CAMK2D: variants seen among roughly 807,000 people sequenced by gnomAD.
CAMK2D encodes calcium/calmodulin dependent protein kinase II delta.
A neutral mutation model predicts 84.0 loss-of-function variants in CAMK2D; 37 were observed. That is an observed-to-expected ratio of 0.44 (90% CI 0.34 to 0.58). The LOEUF (loss-of-function observed/expected upper bound fraction) is 0.58, where lower values mean the gene tolerates loss of function less well. CAMK2D is among the 20% of genes least tolerant of loss of function. The probability of loss-of-function intolerance (pLI) is 0.02; values close to 1 mark genes in which losing one functional copy is unlikely to be tolerated. For missense variants in CAMK2D, 448 were observed against 652.5 expected (o/e 0.69, Z 3.41); for synonymous variants, 202 against 212.5 (o/e 0.95, Z 0.43).
At chr4:113,474,502 T>C (rs1389993013) in intron 16 of CAMK2D, among the ~76,000 whole-genome samples, 4 of 90,960 alleles carry the variant, frequency 4.4e-5, no homozygotes, top group African/African-American at 2.5e-4. Context: ...TTTGGCCTTT[T>C]TTTTTTTTTT....
At chr4:113,531,443 T>A (rs72678726) in intron 7 of CAMK2D, 144 bp from the exon 8 acceptor site, 147,282 of 620,844 alleles carry the variant, frequency 0.24, 18,771 homozygotes, top group Admixed American at 0.3. Context: ...CAATAAATAG[T>A]GTAGACTTTC....
intron 7 of CAMK2D, among the ~76,000 whole-genome samples, chr4:113,534,209 C>T (rs1256580131): frequency 2.0e-5 from 3 of 152,024 alleles, no homozygotes; most frequent in African/African-American, 4.8e-5. Context: ...ACAGGTCATT[C>T]ATTATTAAAA....
At chr4:113,460,559 C>A (rs1268056103) in intron 17 of CAMK2D, among the ~76,000 whole-genome samples, 1 of 151,816 alleles carries the variant, frequency 6.6e-6, no homozygotes, top group African/African-American at 2.4e-5. Context: ...TTTTCTAACT[C>A]TTGATTGAGG....
intron 3 of CAMK2D, among the ~76,000 whole-genome samples, chr4:113,660,631 T>A (rs913149983): frequency 1.3e-5 from 2 of 152,052 alleles, no homozygotes; most frequent in Non-Finnish European, 2.9e-5. Context: ...GTTCAAGCGA[T>A]CCTTCTGCCT....
At chr4:113,717,675 T>G (rs1288346458) in intron 2 of CAMK2D, among the ~76,000 whole-genome samples, 1 of 152,138 alleles carries the variant, frequency 6.6e-6, no homozygotes, top group African/African-American at 2.4e-5. Context: ...TGGAGAGAGT[T>G]GAATTTTCAT....
chr4:113,591,376 A>G (rs1381457807), intron 4 of CAMK2D, among the ~76,000 whole-genome samples: 1 of 152,200 alleles, frequency 6.6e-6, no homozygotes, highest in African/African-American at 2.4e-5. Flanking sequence ...GAAGGCTTCA[A>G]TAGAAGAGGT....
At chr4:113,476,085 A>G (rs546631519) in intron 16 of CAMK2D, among the ~76,000 whole-genome samples, 1 of 152,234 alleles carries the variant, frequency 6.6e-6, no homozygotes, top group Non-Finnish European at 1.5e-5. Flanking sequence ...AAAATTATGA[A>G]AAAATGATAG....
At chr4:113,634,658 A>C (rs2099103043) in intron 3 of CAMK2D, among the ~76,000 whole-genome samples, 1 of 152,212 alleles carries the variant, frequency 6.6e-6, no homozygotes, top group Admixed American at 6.5e-5. Context: ...AGGTAGAATT[A>C]GCACTAGAGC....
At position 113,751,568 on chromosome 4, in the gene CAMK2D, G is replaced by A. The variant is rs113506192; in HGVS notation, c.160+7752C>T. On this transcript the variant is annotated intron_variant, in intron 2 of 20. Coordinates refer to ENST00000511664, the MANE Select transcript of CAMK2D (RefSeq NM_001321571.2). Reference sequence around the variant, plus strand: ...GGGTGGATCACGAGGTCCGGTGTTCGAGACCAGCCTGACCAACATGGTGAA... The same window carrying A: ...GGGTGGATCACGAGGTCCGGTGTTCAAGACCAGCCTGACCAACATGGTGAA... 5.0e-3 allele frequency among the ~76,000 whole-genome samples: 764 copies of A among 152,146 alleles called. 10 individuals are homozygous for A. The highest frequency in any genetic ancestry group is 0.018 in the African/African-American group (734 of 41,522).
At chr4:113,689,363 G>T (rs565270171) in intron 2 of CAMK2D, among the ~76,000 whole-genome samples, 1 of 152,322 alleles carries the variant, frequency 6.6e-6, no homozygotes, top group East Asian at 1.9e-4. Flanking sequence ...AAAGCTGTTT[G>T]ATGCTGAGAA....
intron 4 of CAMK2D, among the ~76,000 whole-genome samples, chr4:113,557,303 T>C (rs903384693): frequency 3.9e-5 from 6 of 152,214 alleles, no homozygotes; most frequent in African/African-American, 1.2e-4. Context: ...GGCTGTACAC[T>C]GATTTTTCAG....
chr4:113,634,394 A>T (rs2099102003), intron 3 of CAMK2D, among the ~76,000 whole-genome samples: 1 of 152,218 alleles, frequency 6.6e-6, no homozygotes, highest in Non-Finnish European at 1.5e-5. Flanking sequence ...TTGGGCAATT[A>T]ATACTGACCC....
At chr4:113,638,876 T>G (rs559476563) in intron 3 of CAMK2D, among the ~76,000 whole-genome samples, 1 of 152,244 alleles carries the variant, frequency 6.6e-6, no homozygotes, top group East Asian at 1.9e-4. Flanking sequence ...AAAGTGAATG[T>G]AAAAATCTAC....
intron 3 of CAMK2D, among the ~76,000 whole-genome samples, chr4:113,610,385 T>C (rs1233300423): frequency 1.3e-5 from 2 of 152,204 alleles, no homozygotes; most frequent in African/African-American, 4.8e-5. Context: ...CAACCTGTTA[T>C]GTTTCCCATG....
chr4:113,629,718 C>T (rs2099081916), intron 3 of CAMK2D, among the ~76,000 whole-genome samples: 1 of 150,622 alleles, frequency 6.6e-6, no homozygotes, highest in Admixed American at 6.6e-5. Context: ...AAAATTTCAT[C>T]TCAAGTTCCT....
At chr4:113,617,463 A>T (rs1310135521) in intron 3 of CAMK2D, among the ~76,000 whole-genome samples, 1 of 98,262 alleles carries the variant, frequency 1.0e-5, no homozygotes, top group Admixed American at 9.2e-5. Context: ...ACCCTGTCTT[A>T]AAAAAAAAAA....
At chr4:113,649,096 T>C (rs2099162780) in intron 3 of CAMK2D, among the ~76,000 whole-genome samples, 1 of 152,138 alleles carries the variant, frequency 6.6e-6, no homozygotes, top group Admixed American at 6.5e-5. Context: ...AAGATCTGAT[T>C]CCACAGCAAC....
chr4:113,682,593 C>T (rs1187980499), intron 2 of CAMK2D, among the ~76,000 whole-genome samples: 1 of 152,056 alleles, frequency 6.6e-6, no homozygotes, highest in Admixed American at 6.6e-5. Flanking sequence ...GCCATTTCTT[C>T]CTTCTTTCTC....
chr4:113,468,135 A>G (rs1487509143), intron 16 of CAMK2D, among the ~76,000 whole-genome samples: 1 of 152,138 alleles, frequency 6.6e-6, no homozygotes, highest in Admixed American at 6.5e-5. Flanking sequence ...ACTGCCTCAC[A>G]AGCATAATAT....
Sources: allele counts gnomAD v4.1 joint callset (sites outside exome capture counted in the v4.1 genomes callset), GRCh38; gene constraint gnomAD v4.1.1; transcripts MANE v1.5; gene names NCBI Gene and HGNC (gene_info 2026-07-23, HGNC 2026-07-21).